The following NADK2 variants were observed in gnomAD, a reference collection of about 807,000 sequenced individuals.
NADK2 encodes NAD kinase 2, mitochondrial.
NADK2 carries 35 observed loss-of-function variants against 62.1 expected under a neutral mutation model. The ratio of observed to expected loss-of-function variants is 0.56; its 90% confidence interval spans 0.43 to 0.75. The LOEUF (loss-of-function observed/expected upper bound fraction) is 0.75. Among genes scored for constraint, NADK2 ranks in the 30% least tolerant of loss-of-function variants. The pLI is 0.00. For missense variants in NADK2, 439 were observed against 561.3 expected, an observed-to-expected ratio of 0.78 and a Z score of 2.20; for synonymous variants, 205 against 207.9, an observed-to-expected ratio of 0.99 and a Z score of 0.12.
chr5:36,221,524 G>C (rs1369481584), intron 4 of NADK2: 1 of 152,136 alleles, frequency 6.6e-6, no homozygotes, highest in Non-Finnish European at 1.5e-5. Flanking sequence ...ATTAACTTCT[G>C]GGCTTTTTTT....
chr5:36,223,669 T>C (rs906388168), intron 4 of NADK2, among the ~76,000 whole-genome samples: 1 of 152,108 alleles, frequency 6.6e-6, no homozygotes, highest in Non-Finnish European at 1.5e-5. Flanking sequence ...ATTCGGTAAG[T>C]AGGATATCAC....
At position 36,195,844 on chromosome 5, in the gene NADK2, C is replaced by T. The variant is rs1457182780; in HGVS notation, c.1191-562G>A. Reference sequence around the variant, plus strand: ...ATACGCACCTTCCTAATTTCTATCACTGCAGTAGTAATAGCTTTGTCTGTT... The same window carrying T: ...ATACGCACCTTCCTAATTTCTATCATTGCAGTAGTAATAGCTTTGTCTGTT... On this transcript the variant is annotated intron_variant, in intron 11 of 11. Coordinates refer to ENST00000381937, the MANE Select transcript of NADK2 (RefSeq NM_001085411.3). Among the ~76,000 whole-genome samples the T allele has an allele frequency of 5.3e-5, 8 of 152,200 alleles. No individual in the cohort carries two copies. The East Asian group carries it at 1.5e-3, about 29-fold the overall frequency.
intron 1 of NADK2, among the ~76,000 whole-genome samples, chr5:36,237,546 G>A (rs1327676769): frequency 6.6e-6 from 1 of 152,126 alleles, no homozygotes; most frequent in African/African-American, 2.4e-5. Flanking sequence ...ATAATATTTT[G>A]TATCTTTTAT....
intron 1 of NADK2, among the ~76,000 whole-genome samples, chr5:36,235,210 T>TA (rs531982046): frequency 1.3e-5 from 2 of 152,244 alleles, no homozygotes; most frequent in East Asian, 1.9e-4. Context: ...AAATTTTGGT[T>TA]AAAAAAACAC....
chr5:36,234,896 T>C (rs1377902831), intron 1 of NADK2, among the ~76,000 whole-genome samples: 1 of 152,140 alleles, frequency 6.6e-6, no homozygotes, highest in Non-Finnish European at 1.5e-5. Context: ...CAAATTGTTC[T>C]CTCCCTTCCC....
chr5:36,229,588 G>T (rs1747629019), intron 1 of NADK2, among the ~76,000 whole-genome samples: 1 of 151,704 alleles, frequency 6.6e-6, no homozygotes, highest in South Asian at 2.1e-4. Context: ...CAGTGAGTAT[G>T]GACCACTACC....
At chr5:36,209,962 G>T (rs955635541) in intron 7 of NADK2, among the ~76,000 whole-genome samples, 1 of 152,102 alleles carries the variant, frequency 6.6e-6, no homozygotes, top group African/African-American at 2.4e-5. Context: ...GGCACAACCC[G>T]AGTTGAGTCA....
intron 10 of NADK2, among the ~76,000 whole-genome samples, chr5:36,199,167 G>A (rs1000357724): frequency 9.2e-5 from 14 of 151,738 alleles, no homozygotes; most frequent in South Asian, 2.1e-4. Flanking sequence ...AAACCTGCAC[G>A]TTGTGCACAT....
At chr5:36,202,786 T>G (rs983721190) in intron 8 of NADK2, among the ~76,000 whole-genome samples, 1 of 152,074 alleles carries the variant, frequency 6.6e-6, no homozygotes, top group Non-Finnish European at 1.5e-5. Flanking sequence ...TAGAGCCACG[T>G]GATGGAAGAA....
At chr5:36,220,805 C>T (rs986159680) in intron 4 of NADK2, among the ~76,000 whole-genome samples, 1 of 152,174 alleles carries the variant, frequency 6.6e-6, no homozygotes, top group Non-Finnish European at 1.5e-5. Flanking sequence ...TGGACTAGCA[C>T]GACCACTTCC....
intron 5 of NADK2, 74 bp downstream of exon 5, chr5:36,219,522 G>C (rs1275493451): frequency 1.3e-5 from 18 of 1,371,120 alleles, no homozygotes; most frequent in Non-Finnish European, 1.9e-5. Context: ...GATTTGTTCT[G>C]TTTTTTAACA....
intron 6 of NADK2, among the ~76,000 whole-genome samples, chr5:36,216,569 T>G (rs982224576): frequency 1.3e-5 from 2 of 148,216 alleles, no homozygotes; most frequent in Non-Finnish European, 3.1e-5. Context: ...TGAACATTTT[T>G]CTGTTCTTTT....
At chr5:36,234,406 A>G (rs935576411) in intron 1 of NADK2, among the ~76,000 whole-genome samples, 10 of 149,922 alleles carry the variant, frequency 6.7e-5, no homozygotes, top group Non-Finnish European at 1.3e-4. Context: ...ATGAATTAAC[A>G]CGTATCTACA....
At chr5:36,211,635 G>T (rs1268279084) in intron 7 of NADK2, among the ~76,000 whole-genome samples, 1 of 151,940 alleles carries the variant, frequency 6.6e-6, no homozygotes, top group Non-Finnish European at 1.5e-5. Context: ...TTAATCTAGG[G>T]TTTCACAAAC....
At chr5:36,238,071 C>T (rs542935574) in intron 1 of NADK2, among the ~76,000 whole-genome samples, 17 of 152,310 alleles carry the variant, frequency 1.1e-4, no homozygotes, top group African/African-American at 4.1e-4. Context: ...AGTTAGAAAG[C>T]TCTGGCAGTA....
chr5:36,219,447 G>A (rs959884924), intron 5 of NADK2, 149 bp downstream of exon 5: 2 of 581,888 alleles, frequency 3.4e-6, no homozygotes, highest in Non-Finnish European at 5.9e-6. Flanking sequence ...CTGAGCTCAA[G>A]TGATCCACCC....
chr5:36,226,658 G>T, intron 2 of NADK2, 95 bp from the exon 3 acceptor site: 1 of 779,276 alleles, frequency 1.3e-6, no homozygotes, highest in East Asian at 2.6e-5. Context: ...CAATAGAGAT[G>T]TAAAATAAAT....
chr5:36,240,419 C>G (rs1748063041), intron 1 of NADK2, among the ~76,000 whole-genome samples: 1 of 152,200 alleles, frequency 6.6e-6, no homozygotes, highest in African/African-American at 2.4e-5. Flanking sequence ...TCGCTAAGAT[C>G]ACACGATACC....
At chr5:36,214,218 G>T (rs1000931899) in intron 6 of NADK2, among the ~76,000 whole-genome samples, 10 of 151,972 alleles carry the variant, frequency 6.6e-5, no homozygotes, top group African/African-American at 2.4e-4. Flanking sequence ...TTTAGCTCTT[G>T]TTGCCCAGGC....
Sources: gnomAD v4.1 joint callset for allele counts (sites outside exome capture counted in the v4.1 genomes callset) on GRCh38, gnomAD v4.1.1 for gene constraint, MANE v1.5 for transcripts, NCBI Gene and HGNC (gene_info 2026-07-23, HGNC 2026-07-21) for gene names.